DCTN5: variants seen among roughly 807,000 people sequenced by gnomAD.
DCTN5 encodes the protein dynactin subunit 5, also known as dynactin 4.
In DCTN5, 14 loss-of-function variants were observed where a neutral mutation model predicts 23.5. The ratio of observed to expected loss-of-function variants is 0.60; its 90% CI spans 0.39 to 0.93. The LOEUF is 0.93. DCTN5 is among the 40% of genes least tolerant of loss of function. DCTN5 has a pLI of 0.00. For synonymous variants in DCTN5, 67 were observed against 79.6 expected, an observed-to-expected ratio of 0.84 and a Z score of 0.84; for missense variants, 156 against 225.9, an observed-to-expected ratio of 0.69 and a Z score of 1.98.
intron 2 of DCTN5, among the ~76,000 whole-genome samples, chr16:23,646,636 G>T (rs969590750): frequency 1.3e-5 from 2 of 152,016 alleles, no homozygotes; most frequent in African/African-American, 4.8e-5. Context: ...GAGTGCAGTG[G>T]TGCAATCTCG....
intron 2 of DCTN5, among the ~76,000 whole-genome samples, chr16:23,648,997 A>G (rs2140975421): frequency 6.6e-6 from 1 of 152,174 alleles, no homozygotes; most frequent in South Asian, 2.1e-4. Flanking sequence ...TGCTGGGACT[A>G]CAGGCGCACA....
In DCTN5 at chr16:23,667,449, T is replaced by C. The variant is rs1453153511; in HGVS notation, c.*305T>C. On this transcript the variant is annotated 3_prime_UTR_variant, in exon 6 of 6. Coordinates refer to ENST00000300087, the MANE Select transcript of DCTN5 (RefSeq NM_032486.4). ...TCCCAACACTCCAGCCCCTTGGTCC[T>C]GTGGATGGCTGGATCCCGCCTGAAA... is the stretch of plus-strand genomic sequence containing the variant. 4.0e-5 allele frequency: 13 copies of C among 322,642 alleles called. No individual in the cohort carries two copies. The highest frequency in any genetic ancestry group is 7.1e-5 in the Non-Finnish European group (12 of 169,202). 20.0% of individuals were successfully genotyped at this position (322,642 alleles called of 1,614,324 possible).
At position 23,667,782 on chromosome 16, in the gene DCTN5, C is replaced by G. The variant is rs751219302; in HGVS notation, c.*638C>G. The G allele has an allele frequency of 1.3e-5, 2 of 152,416 alleles. No individual in the cohort carries two copies. The highest frequency in any genetic ancestry group is 2.4e-5 in the African/African-American group (1 of 41,566). The allele number at this position is 152,416 out of a possible 1,614,324, so 9.4% of individuals were successfully genotyped here. ...GTAAAAGACTTTTTAGCATTTTGAC[C>G]TAGGGCCTTTGGCTTTCACTAAAAG... On this transcript the variant is annotated 3_prime_UTR_variant, in exon 6 of 6. Transcript: ENST00000300087.
At chr16:23,645,082 A>AAAACCCAGC (rs1967397315) in intron 2 of DCTN5, among the ~76,000 whole-genome samples, 1 of 60,342 alleles carries the variant, frequency 1.7e-5, no homozygotes. Context: ...ACCCAGCCTA[A>AAAACCCAGC]CTATATATAT....
rs1967961849 is a variant in DCTN5, at chr16:23,669,222, G to A, written c.*2078G>A. The A allele has an allele frequency of 6.6e-6, 1 of 152,256 alleles. No individual in the cohort carries two copies. Among genetic ancestry groups the A allele is most frequent in the African/African-American group, 2.4e-5 (1 of 41,380 alleles). The allele number at this position is 152,256 out of a possible 1,614,324, so 9.4% of individuals were successfully genotyped here. A position where few individuals can be genotyped will look rare whatever the true frequency, so the allele number is the denominator to read the frequency against. ...AACCAGATGGGAAGGACCTTGGTTGGGACTCTTTCCAGTTCACTTGGGGCA... is the reference window on the plus strand; with the variant it reads ...AACCAGATGGGAAGGACCTTGGTTGAGACTCTTTCCAGTTCACTTGGGGCA... On this transcript the variant is annotated 3_prime_UTR_variant, in exon 6 of 6. Coordinates refer to ENST00000300087, the MANE Select transcript of DCTN5 (RefSeq NM_032486.4).
At chr16:23,641,666 G>GC in intron 1 of DCTN5, 76 bp downstream of exon 1, 2 of 1,490,714 alleles carry the variant, frequency 1.3e-6, no homozygotes, top group East Asian at 4.6e-5. Context: ...TTCCCAACCT[G>GC]CCCCTACCCC....
rs188137955 is a variant in DCTN5, at chr16:23,646,925, T to G, written c.117+3902T>G. Among the ~76,000 whole-genome samples the G allele has an allele frequency of 1.2e-4, 19 of 152,268 alleles. No individual in the cohort carries two copies. In the East Asian group the frequency reaches 3.3e-3, roughly 26 times the overall value. On this transcript the variant is annotated intron_variant, in intron 2 of 5. Transcript: ENST00000300087. ...AGGTAGGGGTCTAACTTAGTTCTTT[T>G]GAATGTAGAAATACAGTTATCCTGG...
chr16:23,646,907 G>A (rs116447722), intron 2 of DCTN5, among the ~76,000 whole-genome samples: 1,662 of 152,080 alleles, frequency 0.011, 28 homozygotes, highest in African/African-American at 0.037. Context: ...TTGAGGTAGG[G>A]GTCTAACTTA....
intron 4 of DCTN5, among the ~76,000 whole-genome samples, chr16:23,665,138 A>C (rs1382596341): frequency 1.3e-5 from 2 of 152,130 alleles, no homozygotes; most frequent in Non-Finnish European, 2.9e-5. Context: ...AAAAGCCCTG[A>C]GGTTGGGGTC....
chr16:23,665,534 G>T, intron 4 of DCTN5, 92 bp from the exon 5 acceptor site: 1 of 1,208,790 alleles, frequency 8.3e-7, no homozygotes, highest in Non-Finnish European at 1.2e-6. Flanking sequence ...ACCGTCCCTG[G>T]CTATTACATG....
At chr16:23,647,960 T>C (rs1272201359) in intron 2 of DCTN5, among the ~76,000 whole-genome samples, 3 of 152,174 alleles carry the variant, frequency 2.0e-5, no homozygotes, top group Non-Finnish European at 4.4e-5. Context: ...ATACAATAAG[T>C]ACTATTTTTA....
chr16:23,644,720 GC>G (rs1394570504), intron 2 of DCTN5, among the ~76,000 whole-genome samples: 2 of 151,676 alleles, frequency 1.3e-5, no homozygotes, highest in African/African-American at 4.8e-5. Context: ...ACAGGCATGA[GC>G]CACCACGCCC....
chr16:23,665,554 A>G (rs74012311), intron 4 of DCTN5, 72 bp from the exon 5 acceptor site: 35,771 of 1,411,670 alleles, frequency 0.025, 1,447 homozygotes, highest in African/African-American at 0.16. Flanking sequence ...GGTATCATGA[A>G]TGGGGAAAAT....
intron 4 of DCTN5, among the ~76,000 whole-genome samples, chr16:23,662,203 A>G (rs1042651188): frequency 3.9e-5 from 6 of 152,154 alleles, no homozygotes; most frequent in Admixed American, 3.3e-4. Context: ...AATGGGAGTA[A>G]GGAAATCTGA....
In DCTN5 at chr16:23,651,079, C is replaced by T. The variant is rs1429674293; in HGVS notation, c.118-7428C>T. 5 of 1,373,100 alleles carry T rather than the reference C, an allele frequency of 3.6e-6. No individual in the cohort carries two copies. The African/African-American group carries it at 4.4e-5, about 12-fold the overall frequency. The allele number at this position is 1,373,100 out of a possible 1,614,324, so 85.1% of individuals were successfully genotyped here. A position where few individuals can be genotyped will look rare whatever the true frequency, so the allele number is the denominator to read the frequency against. ...ATGATTTGTTAAAATGCCACGTGTCCTTCCTGTAGGAGATAGCTAAAAAAA... is the reference window on the plus strand; with the variant it reads ...ATGATTTGTTAAAATGCCACGTGTCTTTCCTGTAGGAGATAGCTAAAAAAA... On this transcript the variant is annotated intron_variant, in intron 2 of 5. Coordinates refer to ENST00000300087, the MANE Select transcript of DCTN5 (RefSeq NM_032486.4).
intron 2 of DCTN5, among the ~76,000 whole-genome samples, chr16:23,645,091 ATATATATATATATATATATATATAT>A: frequency 7.5e-5 from 1 of 13,420 alleles, no homozygotes; most frequent in East Asian, 2.6e-3. Context: ...AACTATATAT[ATATATATATATATATATATATATAT>A]ATATATATAT....
At chr16:23,657,514 C>T (rs534767446) in intron 2 of DCTN5, 13 of 425,728 alleles carry the variant, frequency 3.1e-5, no homozygotes, top group African/African-American at 2.1e-4. Flanking sequence ...GATCTCGGCT[C>T]ACTGCAACCT....
intron 2 of DCTN5, among the ~76,000 whole-genome samples, chr16:23,654,472 G>C (rs142116441): frequency 2.6e-5 from 4 of 152,116 alleles, no homozygotes; most frequent in Non-Finnish European, 5.9e-5. Flanking sequence ...AGTTGGGAGG[G>C]TGCAGGAGGG....
chr16:23,655,557 T>C (rs1241476846), intron 2 of DCTN5, among the ~76,000 whole-genome samples: 1 of 151,692 alleles, frequency 6.6e-6, no homozygotes. Flanking sequence ...TTTTTTTTTT[T>C]TCTTGAGGCA....
Sources: gnomAD v4.1 joint callset for allele counts (sites outside exome capture counted in the v4.1 genomes callset) on GRCh38, gnomAD v4.1.1 for gene constraint, MANE v1.5 for transcripts, NCBI Gene and HGNC (gene_info 2026-07-23, HGNC 2026-07-21) for gene names.